Variants in LIPK observed in about 807,000 individuals in gnomAD.
LIPK encodes the protein lipase family member K.
LIPK carries 32 observed loss-of-function variants against 48.6 expected under a neutral mutation model. The ratio of observed to expected loss-of-function variants is 0.66; its 90% CI spans 0.50 to 0.88. The LOEUF is 0.88. LIPK is among the 40% of genes least tolerant of loss of function. LIPK has a pLI of 0.00. For missense variants in LIPK, 507 were observed against 478.5 expected (o/e 1.06, Z -0.56); for synonymous variants, 164 against 157.4 (o/e 1.04, Z -0.32).
intron 6 of LIPK, among the ~76,000 whole-genome samples, chr10:88,736,862 G>T (rs1234150507): frequency 6.6e-6 from 1 of 152,086 alleles, no homozygotes; most frequent in East Asian, 1.9e-4. Context: ...GTAATTTCTG[G>T]TTAATAAAGA....
intron 9 of LIPK, among the ~76,000 whole-genome samples, chr10:88,745,968 G>A (rs772431842): frequency 6.6e-6 from 1 of 152,148 alleles, no homozygotes; most frequent in Non-Finnish European, 1.5e-5. Context: ...AAAAAGACCA[G>A]GGGTTGCTAT....
intron 1 of LIPK, among the ~76,000 whole-genome samples, chr10:88,715,352 T>G (rs979066468): frequency 2.6e-5 from 4 of 152,188 alleles, no homozygotes; most frequent in Non-Finnish European, 5.9e-5. Context: ...ATCTTCCTGA[T>G]GAATTGACTT....
chr10:88,748,884 TA>T, intron 9 of LIPK, among the ~76,000 whole-genome samples: 1 of 152,164 alleles, frequency 6.6e-6, no homozygotes, highest in East Asian at 1.9e-4. Context: ...ATTCTATATC[TA>T]AAAAACCCCA....
Position 88,732,202 on chromosome 10 carries a change from C to T in LIPK, c.447C>T (p.Asp149=). The T allele has an allele frequency of 6.2e-7, 1 of 1,611,984 alleles. No homozygotes were observed. The highest frequency in any genetic ancestry group is 8.5e-7 in the Non-Finnish European group (1 of 1,179,128). The part of the protein sequence containing the change: ...AFSLDEMAKY[D]LPATINFIIE... ...GTTTGGATGAGATGGCTAAATATGA[C>T]CTTCCAGCCACAATCAATTTTATCA... is the stretch of plus-strand genomic sequence containing the variant. Residue 149 remains aspartate (D), a synonymous_variant, in exon 5 of 10, where the codon GAC becomes GAT. Transcript: ENST00000404190.
intron 3 of LIPK, chr10:88,728,752 C>T (rs1842400062): frequency 3.9e-6 from 1 of 258,806 alleles, no homozygotes; most frequent in South Asian, 4.1e-5. Flanking sequence ...GCCTCACAAG[C>T]TCTGCCCTCA....
intron 9 of LIPK, among the ~76,000 whole-genome samples, chr10:88,746,585 A>G (rs1397138006): frequency 1.3e-5 from 2 of 152,216 alleles, no homozygotes; most frequent in Non-Finnish European, 2.9e-5. Context: ...ACAAAGATAC[A>G]ATATACCAGA....
intron 1 of LIPK, among the ~76,000 whole-genome samples, chr10:88,709,939 G>C (rs1321869061): frequency 6.6e-6 from 1 of 151,092 alleles, no homozygotes; most frequent in East Asian, 2.0e-4. Context: ...CAAAGGTCTA[G>C]AATTTCATTC....
At chr10:88,708,829 T>G (rs61853968) in intron 1 of LIPK, among the ~76,000 whole-genome samples, 21 of 152,228 alleles carry the variant, frequency 1.4e-4, no homozygotes, top group Admixed American at 9.8e-4. Context: ...ATATAACATA[T>G]TTGTGTTATT....
At position 88,718,573 on chromosome 10, in the gene LIPK, T is replaced by G. The variant is rs549184252; in HGVS notation, c.-11-5960T>G. Among the ~76,000 whole-genome samples, 20 of 152,080 alleles carry G rather than the reference T, an allele frequency of 1.3e-4. No individual in the cohort carries two copies. In the East Asian group the frequency reaches 1.9e-3, roughly 15 times the overall value. On this transcript the variant is annotated intron_variant, in intron 1 of 9. Coordinates refer to ENST00000404190, the MANE Select transcript of LIPK (RefSeq NM_001080518.2). ...CCTATCCTATTTTTTACTTTGTCAC[T>G]CATAAGAATTTTATACTCAAATTTG...
chr10:88,752,389 A>G (rs1590166579), intron 9 of LIPK, 128 bp from the exon 10 acceptor site: 1 of 628,994 alleles, frequency 1.6e-6, no homozygotes, highest in East Asian at 2.8e-5. Flanking sequence ...ATGTTTATAT[A>G]CCATTAAGTG....
chr10:88,712,528 G>A (rs1019992189), intron 1 of LIPK, among the ~76,000 whole-genome samples: 1 of 152,038 alleles, frequency 6.6e-6, no homozygotes, highest in African/African-American at 2.4e-5. Flanking sequence ...GGTGTCTATT[G>A]TAAATATAGT....
chr10:88,712,599 T>TC (rs2134683934), intron 1 of LIPK, among the ~76,000 whole-genome samples: 1 of 152,318 alleles, frequency 6.6e-6, no homozygotes, highest in South Asian at 2.1e-4. Context: ...TGTTTTTTTT[T>TC]ATTAATTCCA....
In LIPK at chr10:88,752,005, G is replaced by T. The variant is rs143410593; in HGVS notation, c.961-512G>T. On this transcript the variant is annotated intron_variant, in intron 9 of 9. Coordinates refer to ENST00000404190, the MANE Select transcript of LIPK (RefSeq NM_001080518.2). The stretch of plus-strand genomic sequence containing the variant: ...GGAAAACTTGCTGAGAGTTTATAGA[G>T]TGCTATAGCCACTCTAGTTATTTGT... 5.9e-5 allele frequency among the ~76,000 whole-genome samples: 9 copies of T among 152,222 alleles called. No individual in the cohort carries two copies. In the East Asian group the frequency reaches 1.7e-3, roughly 29 times the overall value.
intron 1 of LIPK, among the ~76,000 whole-genome samples, chr10:88,718,063 A>G (rs1455180072): frequency 6.6e-6 from 1 of 151,698 alleles, no homozygotes; most frequent in Non-Finnish European, 1.5e-5. Flanking sequence ...TGGACCTTTT[A>G]TCCTTTTGTC....
At chr10:88,725,435 A>G (rs1424122417) in intron 2 of LIPK, among the ~76,000 whole-genome samples, 1 of 152,218 alleles carries the variant, frequency 6.6e-6, no homozygotes, top group Non-Finnish European at 1.5e-5. Flanking sequence ...TTCTACACAT[A>G]TTACATATAA....
chr10:88,736,147 G>A (rs1842567297), intron 6 of LIPK, among the ~76,000 whole-genome samples: 1 of 152,002 alleles, frequency 6.6e-6, no homozygotes, highest in Non-Finnish European at 1.5e-5. Flanking sequence ...AGGGAAAAAG[G>A]AAGGGAAGGA....
At chr10:88,718,104 T>C (rs1322025960) in intron 1 of LIPK, among the ~76,000 whole-genome samples, 3 of 151,716 alleles carry the variant, frequency 2.0e-5, no homozygotes, top group African/African-American at 7.2e-5. Flanking sequence ...AATTGCTTTC[T>C]TCCTCCCATG....
At chr10:88,724,788 A>G (rs866689662) in intron 2 of LIPK, 140 bp downstream of exon 2, 6 of 623,074 alleles carry the variant, frequency 9.6e-6, no homozygotes, top group South Asian at 2.1e-5. Context: ...GTTTCTTGAT[A>G]TGGCTAACTA....
rs1432452860 is a variant in LIPK at position 88,752,715 on chromosome 10, C to G, written c.1159C>G (p.Gln387Glu). 1.3e-6 allele frequency: 2 copies of G among 1,564,666 alleles called. No homozygotes were observed. Among genetic ancestry groups the G allele is most frequent in the African/African-American group, 2.7e-5 (2 of 73,992 alleles). ...AGAGGATGCACCTCAGGAAATTTACCAAGACCTAATTATATTGATGGAAGA... is the reference window on the plus strand; with the variant it reads ...AGAGGATGCACCTCAGGAAATTTACGAAGACCTAATTATATTGATGGAAGA... ...LGEDAPQEIY[Q>E]DLIILMEEYL... The change falls in exon 10 of 10, where the codon CAA becomes GAA. Residue 387 changes from glutamine (Q) to glutamate (E), a missense_variant. Transcript: ENST00000404190.
Sources: allele counts gnomAD v4.1 joint callset (sites outside exome capture counted in the v4.1 genomes callset), GRCh38; gene constraint gnomAD v4.1.1; transcripts MANE v1.5; gene names NCBI Gene and HGNC (gene_info 2026-07-23, HGNC 2026-07-21).